CSMD1: variants seen among roughly 807,000 people sequenced by gnomAD.
CSMD1 encodes CUB and Sushi multiple domains 1.
CSMD1 carries 213 observed loss-of-function variants against 417.5 expected under a neutral mutation model. That is an observed-to-expected ratio of 0.51 (90% CI 0.46 to 0.57). The LOEUF (loss-of-function observed/expected upper bound fraction) is 0.57, where lower values mean the gene tolerates loss of function less well. Ranked by LOEUF, CSMD1 falls within the 20% of genes least tolerant of loss-of-function variation. The pLI is 0.00. For missense variants in CSMD1, 6,923 were observed against 4,529.7 expected (o/e 1.53, Z -15.17); for synonymous variants, 2,862 against 1,736.8 (o/e 1.65, Z -16.11).
chr8:3,826,452 G>A (rs956871381), intron 5 of CSMD1, among the ~76,000 whole-genome samples: 5 of 152,070 alleles, frequency 3.3e-5, no homozygotes, highest in African/African-American at 7.2e-5. Flanking sequence ...CCTTGCTCCC[G>A]GCCTACAGCA....
chr8:3,552,271 A>C (rs1798949675), intron 10 of CSMD1, among the ~76,000 whole-genome samples: 1 of 152,240 alleles, frequency 6.6e-6, no homozygotes, highest in South Asian at 2.1e-4. Flanking sequence ...GAAAGCTTGA[A>C]TACTAATCTA....
intron 8 of CSMD1, among the ~76,000 whole-genome samples, chr8:3,612,259 A>G (rs1409029538): frequency 6.6e-6 from 1 of 152,166 alleles, no homozygotes; most frequent in African/African-American, 2.4e-5. Flanking sequence ...ATACACAGCA[A>G]TTTTAAACAT....
At chr8:3,536,678 G>A (rs1007496468) in intron 10 of CSMD1, among the ~76,000 whole-genome samples, 1 of 152,160 alleles carries the variant, frequency 6.6e-6, no homozygotes, top group African/African-American at 2.4e-5. Context: ...TGTAGGCACA[G>A]AGCAATAGGA....
chr8:3,600,372 C>A (rs973270139), intron 8 of CSMD1, among the ~76,000 whole-genome samples: 2 of 152,068 alleles, frequency 1.3e-5, no homozygotes, highest in African/African-American at 4.8e-5. Flanking sequence ...ATTGATAAAC[C>A]ATCTAACTAG....
intron 25 of CSMD1, among the ~76,000 whole-genome samples, chr8:3,294,965 C>T (rs1415023353): frequency 6.6e-6 from 1 of 152,034 alleles, no homozygotes; most frequent in African/African-American, 2.4e-5. Context: ...CATCTTGGCT[C>T]CACCCATCCC....
chr8:3,653,106 G>A (rs1310809533), intron 7 of CSMD1, among the ~76,000 whole-genome samples: 2 of 151,878 alleles, frequency 1.3e-5, no homozygotes, highest in East Asian at 3.9e-4. Context: ...CAGCCTCCAT[G>A]CATATGCTTT....
chr8:3,831,026 C>T (rs1418614695), intron 5 of CSMD1, among the ~76,000 whole-genome samples: 1 of 152,144 alleles, frequency 6.6e-6, no homozygotes, highest in Non-Finnish European at 1.5e-5. Context: ...GCTCTGAAGG[C>T]AGCTTAATGC....
At chr8:4,892,107 T>C (rs1233966229) in intron 1 of CSMD1, among the ~76,000 whole-genome samples, 1 of 152,116 alleles carries the variant, frequency 6.6e-6, no homozygotes, top group Non-Finnish European at 1.5e-5. Flanking sequence ...ATTTTCTTCC[T>C]CTCTGTCACA....
chr8:3,290,585 CAATTGTG>C lies in CSMD1; in HGVS notation c.3951-6246_3951-6240del, dbSNP rs761055454. On this transcript the variant is annotated intron_variant, in intron 25 of 69. Transcript: ENST00000635120. ...GCTAGGTATTTTGTTCTCTTTGAAG[CAATTGTG>C]AATGGGAGTTCACTCATGATTTGGC... Among the ~76,000 whole-genome samples the C allele has an allele frequency of 4.2e-4, 61 of 146,724 alleles. 1 individual carries two copies. Among genetic ancestry groups the C allele is most frequent in the Non-Finnish European group, 7.9e-4 (54 of 67,960 alleles).
intron 3 of CSMD1, among the ~76,000 whole-genome samples, chr8:4,167,708 G>C (rs985223427): frequency 2.6e-5 from 4 of 152,168 alleles, no homozygotes; most frequent in Non-Finnish European, 4.4e-5. Context: ...TAAATAGTCA[G>C]GCTGGGTGCA....
intron 3 of CSMD1, among the ~76,000 whole-genome samples, chr8:4,179,286 T>G (rs902456891): frequency 1.1e-4 from 16 of 152,214 alleles, no homozygotes; most frequent in South Asian, 4.1e-4. Context: ...TATCTACAAC[T>G]ATCTGATCTT....
chr8:3,447,641 G>A (rs961804043), intron 12 of CSMD1, among the ~76,000 whole-genome samples: 1 of 152,174 alleles, frequency 6.6e-6, no homozygotes, highest in African/African-American at 2.4e-5. Flanking sequence ...AAAGCAGTGT[G>A]TGCATTCTTT....
At chr8:3,153,362 G>A (rs902575037) in intron 39 of CSMD1, among the ~76,000 whole-genome samples, 1 of 152,190 alleles carries the variant, frequency 6.6e-6, no homozygotes, top group African/African-American at 2.4e-5. Context: ...TCTGTCTATG[G>A]AGTAACCATT....
intron 5 of CSMD1, among the ~76,000 whole-genome samples, chr8:3,824,465 C>T (rs916757531): frequency 2.6e-5 from 4 of 152,144 alleles, no homozygotes; most frequent in Admixed American, 2.0e-4. Flanking sequence ...CCTCTGTCCC[C>T]TAAGTGCCGT....
intron 3 of CSMD1, among the ~76,000 whole-genome samples, chr8:4,109,823 A>G (rs1351252674): frequency 6.6e-6 from 1 of 152,188 alleles, no homozygotes; most frequent in African/African-American, 2.4e-5. Flanking sequence ...TACCATAAAT[A>G]CTTAAAACAG....
In CSMD1 at chr8:4,455,067, A is replaced by C. The variant is rs190446587; in HGVS notation, c.303-35002T>G. The stretch of plus-strand genomic sequence containing the variant: ...AATATCACCATGTTTAGGCTGGGAA[A>C]CTTCGTGCTATACAGGAATTTTTTC... On this transcript the variant is annotated intron_variant, in intron 2 of 69. Transcript: ENST00000635120. 1.1e-3 allele frequency among the ~76,000 whole-genome samples: 172 copies of C among 152,258 alleles called. 1 individual carries two copies. Among genetic ancestry groups the C allele is most frequent in the African/African-American group, 3.8e-3 (159 of 41,546 alleles).
At chr8:3,776,274 A>T (rs1798882380) in intron 5 of CSMD1, among the ~76,000 whole-genome samples, 1 of 152,100 alleles carries the variant, frequency 6.6e-6, no homozygotes, top group Admixed American at 6.5e-5. Flanking sequence ...GCTCCATTCT[A>T]TTCTCAGAAC....
chr8:2,979,595 A>G (rs1333741281), intron 54 of CSMD1, among the ~76,000 whole-genome samples: 9 of 152,210 alleles, frequency 5.9e-5, no homozygotes, highest in Non-Finnish European at 1.3e-4. Flanking sequence ...GGCTCAGAAA[A>G]GCACTGTGCA....
At chr8:4,722,791 G>T (rs188834777) in intron 1 of CSMD1, among the ~76,000 whole-genome samples, 16 of 152,182 alleles carry the variant, frequency 1.1e-4, no homozygotes, top group Admixed American at 3.3e-4. Context: ...GAATATTTCA[G>T]GAATACTTGT....
Sources: allele counts gnomAD v4.1 joint callset (sites outside exome capture counted in the v4.1 genomes callset), GRCh38; gene constraint gnomAD v4.1.1; transcripts MANE v1.5; gene names NCBI Gene and HGNC (gene_info 2026-07-23, HGNC 2026-07-21).